The following IQCM variants were observed in gnomAD, a reference collection of about 807,000 sequenced individuals.
IQCM encodes IQ motif containing M, also known as IQ domain-containing protein M.
In IQCM, 45 loss-of-function variants were observed where a neutral mutation model predicts 57.6. The ratio of observed to expected loss-of-function variants is 0.78; its 90% CI spans 0.62 to 1.00. The LOEUF is 1.00. IQCM is among the 50% of genes least tolerant of loss of function. The probability of loss-of-function intolerance (pLI) is 0.00; values close to 1 mark genes in which losing one functional copy is unlikely to be tolerated. For synonymous variants in IQCM, 148 were observed against 158.9 expected, an observed-to-expected ratio of 0.93 and a Z score of 0.51; for missense variants, 468 against 511.6, an observed-to-expected ratio of 0.91 and a Z score of 0.82.
At chr4:149,767,871 C>A (rs767144896) in intron 2 of IQCM, among the ~76,000 whole-genome samples, 1 of 152,152 alleles carries the variant, frequency 6.6e-6, no homozygotes, top group African/African-American at 2.4e-5. Flanking sequence ...TGTAGAGGAA[C>A]TATAGACACA....
At chr4:149,533,708 C>G (rs901307635) in intron 12 of IQCM, among the ~76,000 whole-genome samples, 1 of 152,036 alleles carries the variant, frequency 6.6e-6, no homozygotes. Flanking sequence ...GTCATAAGCT[C>G]TCATGAGAAC....
chr4:149,466,509 C>T (rs995562524), intron 12 of IQCM, among the ~76,000 whole-genome samples: 3 of 152,078 alleles, frequency 2.0e-5, no homozygotes, highest in Admixed American at 2.0e-4. Context: ...CTAGGATTAG[C>T]ATGGACTACT....
At chr4:149,422,965 G>A (rs1376086857) in intron 13 of IQCM, among the ~76,000 whole-genome samples, 1 of 151,984 alleles carries the variant, frequency 6.6e-6, no homozygotes, top group Non-Finnish European at 1.5e-5. Context: ...TTAAATTTAT[G>A]CATAAAATAT....
chr4:149,805,797 C>T (rs569297401), intron 2 of IQCM, among the ~76,000 whole-genome samples: 36 of 152,076 alleles, frequency 2.4e-4, no homozygotes, highest in African/African-American at 7.9e-4. Flanking sequence ...TATTTTTCAT[C>T]TAATTCTTGG....
intron 2 of IQCM, among the ~76,000 whole-genome samples, chr4:149,797,863 A>T (rs1000138031): frequency 6.6e-6 from 1 of 152,020 alleles, no homozygotes; most frequent in Non-Finnish European, 1.5e-5. Context: ...TGAAGGAGAA[A>T]TAAAGACTTT....
intron 7 of IQCM, among the ~76,000 whole-genome samples, chr4:149,658,010 T>C (rs1027150690): frequency 2.6e-5 from 4 of 152,134 alleles, no homozygotes; most frequent in Non-Finnish European, 4.4e-5. Context: ...GTGGAAAAGC[T>C]TTTCAATTTG....
intron 13 of IQCM, among the ~76,000 whole-genome samples, chr4:149,433,155 C>A (rs1449108485): frequency 6.6e-6 from 1 of 151,978 alleles, no homozygotes; most frequent in Non-Finnish European, 1.5e-5. Flanking sequence ...GTGAAAACAA[C>A]CCAAATTTCC....
intron 8 of IQCM, among the ~76,000 whole-genome samples, chr4:149,606,486 G>A (rs1451667156): frequency 1.3e-5 from 2 of 151,996 alleles, no homozygotes; most frequent in African/African-American, 2.4e-5. Context: ...TACCTAATTC[G>A]TCAATGCACA....
intron 12 of IQCM, among the ~76,000 whole-genome samples, chr4:149,493,620 G>A (rs978498869): frequency 6.6e-6 from 1 of 152,018 alleles, no homozygotes; most frequent in Admixed American, 6.6e-5. Context: ...CTTTCTAAAG[G>A]AAGAGAAGGA....
At chr4:149,381,498 C>T (rs1216845309) in intron 13 of IQCM, among the ~76,000 whole-genome samples, 3 of 151,998 alleles carry the variant, frequency 2.0e-5, no homozygotes, top group African/African-American at 7.2e-5. Flanking sequence ...CGTCTCAGCT[C>T]TTCCTGAAAC....
intron 7 of IQCM, among the ~76,000 whole-genome samples, chr4:149,650,699 G>C (rs1365815435): frequency 6.6e-6 from 1 of 151,986 alleles, no homozygotes; most frequent in African/African-American, 2.4e-5. Context: ...CTAAATTTCT[G>C]TCATTTTTAA....
chr4:149,624,174 G>A (rs561130107), intron 7 of IQCM, among the ~76,000 whole-genome samples: 7 of 151,830 alleles, frequency 4.6e-5, no homozygotes, highest in Admixed American at 2.6e-4. Flanking sequence ...GTGTGTGCGC[G>A]CGCATGCATG....
chr4:149,696,857 C>T (rs1215418010), intron 5 of IQCM, among the ~76,000 whole-genome samples: 1 of 152,136 alleles, frequency 6.6e-6, no homozygotes, highest in Non-Finnish European at 1.5e-5. Flanking sequence ...CATGGCTTCT[C>T]ATCTTCCATT....
At chr4:149,730,000 G>A (rs930308056) in intron 5 of IQCM, among the ~76,000 whole-genome samples, 3 of 152,130 alleles carry the variant, frequency 2.0e-5, no homozygotes, top group African/African-American at 7.2e-5. Flanking sequence ...CCAGCAATAT[G>A]TCTTAATAAT....
chr4:149,476,120 C>T (rs1174761582), intron 12 of IQCM, among the ~76,000 whole-genome samples: 1 of 151,882 alleles, frequency 6.6e-6, no homozygotes, highest in Non-Finnish European at 1.5e-5. Context: ...GTAGTAATGG[C>T]CTTAAGAAGG....
chr4:149,649,795 T>C (rs1758989946), intron 7 of IQCM, among the ~76,000 whole-genome samples: 1 of 152,190 alleles, frequency 6.6e-6, no homozygotes, highest in Non-Finnish European at 1.5e-5. Flanking sequence ...TGCTGGATTG[T>C]ATTTAAATCT....
At chr4:149,408,322 T>G (rs1467198326) in intron 13 of IQCM, among the ~76,000 whole-genome samples, 1 of 152,122 alleles carries the variant, frequency 6.6e-6, no homozygotes. Flanking sequence ...AGTAAACTGG[T>G]TATAAAATAA....
intron 12 of IQCM, among the ~76,000 whole-genome samples, chr4:149,510,270 C>T (rs1222301565): frequency 6.6e-6 from 1 of 152,062 alleles, no homozygotes; most frequent in Non-Finnish European, 1.5e-5. Context: ...CGAATGTACT[C>T]TTCTGGGAAA....
chr4:149,548,678 A>G (rs1560978268), intron 11 of IQCM, 89 bp from the exon 12 acceptor site: 1 of 606,348 alleles, frequency 1.6e-6, no homozygotes, highest in Non-Finnish European at 2.4e-6. Flanking sequence ...CCTGTCTACC[A>G]GTAAGTCTCC....
Sources: gnomAD v4.1 joint callset for allele counts (sites outside exome capture counted in the v4.1 genomes callset) on GRCh38, gnomAD v4.1.1 for gene constraint, MANE v1.5 for transcripts, NCBI Gene and HGNC (gene_info 2026-07-23, HGNC 2026-07-21) for gene names.